The following PTPRR variants were observed in gnomAD, a reference collection of about 807,000 sequenced individuals.
PTPRR encodes the protein protein tyrosine phosphatase receptor type R, also known as receptor-type tyrosine-protein phosphatase R.
PTPRR carries 38 observed loss-of-function variants against 77.2 expected under a neutral mutation model. The ratio of observed to expected loss-of-function variants is 0.49; its 90% confidence interval spans 0.38 to 0.65. The LOEUF (loss-of-function observed/expected upper bound fraction) is 0.65. PTPRR is among the 30% of genes least tolerant of loss of function. The pLI, the probability that PTPRR is intolerant of heterozygous loss-of-function variation, is 0.00. For synonymous variants in PTPRR, 299 were observed against 283.1 expected (o/e 1.06, Z -0.57); for missense variants, 744 against 799.2 (o/e 0.93, Z 0.83).
At chr12:70,816,868 G>T (rs989165481) in intron 2 of PTPRR, among the ~76,000 whole-genome samples, 7 of 152,064 alleles carry the variant, frequency 4.6e-5, no homozygotes, top group African/African-American at 1.7e-4. Flanking sequence ...AGAAATTGAT[G>T]AAGATGATTC....
intron 10 of PTPRR, chr12:70,672,300 C>A (rs111811407): frequency 2.5e-6 from 4 of 1,586,440 alleles, no homozygotes; most frequent in Non-Finnish European, 3.5e-6. Flanking sequence ...CCCGTGCCCA[C>A]GGAACCGATC....
chr12:70,919,704 T>C (rs1469576593), intron 1 of PTPRR, among the ~76,000 whole-genome samples: 2 of 123,646 alleles, frequency 1.6e-5, no homozygotes, highest in African/African-American at 6.9e-5. Context: ...TTTTTTTTTT[T>C]TAATATGCCA....
intron 3 of PTPRR, among the ~76,000 whole-genome samples, chr12:70,763,057 C>A (rs1387766867): frequency 2.0e-5 from 3 of 151,562 alleles, no homozygotes; most frequent in African/African-American, 7.3e-5. Flanking sequence ...TATATATGCA[C>A]AGGTTGATGC....
intron 10 of PTPRR, among the ~76,000 whole-genome samples, chr12:70,670,616 T>C (rs956486726): frequency 6.6e-6 from 1 of 152,184 alleles, no homozygotes; most frequent in Non-Finnish European, 1.5e-5. Context: ...CTACTTCCCT[T>C]CTTTTCTGAA....
chr12:70,743,736 G>A (rs1890124870), intron 6 of PTPRR, among the ~76,000 whole-genome samples: 1 of 152,198 alleles, frequency 6.6e-6, no homozygotes, highest in Admixed American at 6.5e-5. Flanking sequence ...GTGGACCAAA[G>A]AGATGGGTAT....
intron 2 of PTPRR, among the ~76,000 whole-genome samples, chr12:70,777,123 C>A (rs529856283): frequency 6.6e-6 from 1 of 151,792 alleles, no homozygotes; most frequent in Admixed American, 6.6e-5. Flanking sequence ...CCACAACTTG[C>A]TTTTTTCACT....
At chr12:70,692,483 A>G (rs1888089126) in intron 8 of PTPRR, among the ~76,000 whole-genome samples, 1 of 152,154 alleles carries the variant, frequency 6.6e-6, no homozygotes, top group Non-Finnish European at 1.5e-5. Context: ...TGGTTGCTCT[A>G]CTTGACAGTG....
At chr12:70,680,980 G>GT (rs752401930) in intron 10 of PTPRR, among the ~76,000 whole-genome samples, 229 of 152,308 alleles carry the variant, frequency 1.5e-3, no homozygotes, top group Non-Finnish European at 2.5e-3. Context: ...TGGTTTCTCT[G>GT]CTGATCAAGA....
At chr12:70,764,800 A>G (rs1271263417) in intron 2 of PTPRR, 22 bp from the exon 3 acceptor site, 2 of 1,534,210 alleles carry the variant, frequency 1.3e-6, no homozygotes, top group Non-Finnish European at 1.8e-6. Flanking sequence ...GGACAAAAAT[A>G]AATCCAAATT....
chr12:70,832,318 T>C (rs2137051412), intron 2 of PTPRR, among the ~76,000 whole-genome samples: 1 of 152,336 alleles, frequency 6.6e-6, no homozygotes, highest in African/African-American at 2.4e-5. Flanking sequence ...AAGCAGGCTC[T>C]ATGCTGCTAG....
intron 6 of PTPRR, among the ~76,000 whole-genome samples, chr12:70,715,695 A>T (rs2136827208): frequency 6.6e-6 from 1 of 152,318 alleles, no homozygotes; most frequent in East Asian, 1.9e-4. Context: ...GAAGAGAAAT[A>T]TGGCTCTGCT....
At chr12:70,717,349 C>G (rs1889070836) in intron 6 of PTPRR, among the ~76,000 whole-genome samples, 1 of 152,030 alleles carries the variant, frequency 6.6e-6, no homozygotes, top group Non-Finnish European at 1.5e-5. Flanking sequence ...CTTCTGATAC[C>G]AGCTAACTCT....
intron 2 of PTPRR, among the ~76,000 whole-genome samples, chr12:70,821,765 C>T (rs1318088734): frequency 3.3e-5 from 5 of 151,560 alleles, no homozygotes; most frequent in African/African-American, 1.2e-4. Context: ...CCTGGGTTCA[C>T]GCCATTCTCC....
At position 70,728,482 on chromosome 12, in the gene PTPRR, ATATATATATATG is replaced by A. The variant is rs936195294; in HGVS notation, c.1007+17324_1007+17335del. 4.8e-4 allele frequency among the ~76,000 whole-genome samples: 5 copies of A among 10,364 alleles called. 1 individual carries two copies. Among genetic ancestry groups the A allele is most frequent in the African/African-American group, 6.2e-4 (5 of 8,044 alleles). The allele number at this position is 10,364 out of a possible 152,430, so 6.8% of individuals were successfully genotyped here. ...TATATACATATATGTGTATATATAT[ATATATATATATG>A]TATGTATGTATATGGCAAATATTCC... On this transcript the variant is annotated intron_variant, in intron 6 of 13. Transcript: ENST00000283228.
At chr12:70,853,099 T>C (rs573408147) in intron 2 of PTPRR, among the ~76,000 whole-genome samples, 14 of 152,312 alleles carry the variant, frequency 9.2e-5, no homozygotes, top group East Asian at 1.9e-4. Context: ...TTTTATTTTA[T>C]GGAGGAGAAA....
chr12:70,812,514 G>A (rs1367782985), intron 2 of PTPRR, among the ~76,000 whole-genome samples: 1 of 152,174 alleles, frequency 6.6e-6, no homozygotes, highest in African/African-American at 2.4e-5. Flanking sequence ...TCTGCCATGT[G>A]ATCACCTCTA....
chr12:70,778,299 G>A (rs977398101), intron 2 of PTPRR, among the ~76,000 whole-genome samples: 2 of 151,980 alleles, frequency 1.3e-5, no homozygotes, highest in Non-Finnish European at 2.9e-5. Context: ...AGGCTAGTCT[G>A]TCTTGCCTTT....
intron 2 of PTPRR, among the ~76,000 whole-genome samples, chr12:70,769,791 G>C (rs936481310): frequency 6.6e-6 from 1 of 151,868 alleles, no homozygotes; most frequent in African/African-American, 2.4e-5. Flanking sequence ...AAAACAGCAT[G>C]GTACTGGTAC....
chr12:70,912,201 C>T (rs1893710718), intron 1 of PTPRR, among the ~76,000 whole-genome samples: 1 of 152,158 alleles, frequency 6.6e-6, no homozygotes, highest in Non-Finnish European at 1.5e-5. Context: ...GATCATTTTT[C>T]CCAGATAAGT....
Sources: allele counts gnomAD v4.1 joint callset (sites outside exome capture counted in the v4.1 genomes callset), GRCh38; gene constraint gnomAD v4.1.1; transcripts MANE v1.5; gene names NCBI Gene and HGNC (gene_info 2026-07-23, HGNC 2026-07-21).